ZNF385D: variants seen among roughly 807,000 people sequenced by gnomAD.
The protein encoded by ZNF385D is zinc finger protein 659.
ZNF385D carries 15 observed loss-of-function variants against 35.8 expected under a neutral mutation model. That is an observed-to-expected ratio of 0.42 (90% CI 0.28 to 0.64). ZNF385D has a LOEUF of 0.64. Ranked by LOEUF, ZNF385D falls within the 30% of genes least tolerant of loss-of-function variation. The probability of loss-of-function intolerance (pLI) is 0.23; values close to 1 mark genes in which losing one functional copy is unlikely to be tolerated. For missense variants in ZNF385D, 474 were observed against 494.6 expected, an observed-to-expected ratio of 0.96 and a Z score of 0.39; for synonymous variants, 212 against 186.8, an observed-to-expected ratio of 1.13 and a Z score of -1.10.
At chr3:21,837,835 G>A (rs986939135) in intron 3 of ZNF385D, among the ~76,000 whole-genome samples, 4 of 147,334 alleles carry the variant, frequency 2.7e-5, no homozygotes, top group South Asian at 2.1e-4. Flanking sequence ...TAGCACCACT[G>A]CATTCCAGCC....
At chr3:21,713,883 C>A (rs1288028241) in intron 1 of ZNF385D, among the ~76,000 whole-genome samples, 1 of 152,178 alleles carries the variant, frequency 6.6e-6, no homozygotes, top group African/African-American at 2.4e-5. Flanking sequence ...ATGTCACTCT[C>A]CTTTTACATC....
At chr3:21,902,403 T>A (rs979233971) in intron 3 of ZNF385D, among the ~76,000 whole-genome samples, 4 of 152,160 alleles carry the variant, frequency 2.6e-5, no homozygotes, top group African/African-American at 9.7e-5. Flanking sequence ...TAGAGATCGA[T>A]CCAGAGGGAT....
chr3:21,443,449 G>A (rs1701968236), intron 4 of ZNF385D: 1 of 503,854 alleles, frequency 2.0e-6, no homozygotes, highest in African/African-American at 2.1e-5. Flanking sequence ...CCATATACAG[G>A]ATGCTGTGTT....
intron 1 of ZNF385D, among the ~76,000 whole-genome samples, chr3:21,695,618 C>A (rs2067442678): frequency 6.6e-6 from 1 of 152,108 alleles, no homozygotes; most frequent in Non-Finnish European, 1.5e-5. Context: ...ATGATCCTTA[C>A]CATGCTCTAC....
At chr3:22,300,794 G>C (rs1702858293) in intron 2 of ZNF385D, among the ~76,000 whole-genome samples, 1 of 151,788 alleles carries the variant, frequency 6.6e-6, no homozygotes, top group Non-Finnish European at 1.5e-5. Flanking sequence ...GATAAAAGTT[G>C]GTAATAACAT....
At chr3:22,103,605 T>C (rs1343914802) in intron 3 of ZNF385D, among the ~76,000 whole-genome samples, 1 of 152,118 alleles carries the variant, frequency 6.6e-6, no homozygotes, top group Non-Finnish European at 1.5e-5. Flanking sequence ...TTATGAATCA[T>C]CTGAGTGACC....
At chr3:22,148,610 T>C (rs1559408174) in intron 3 of ZNF385D, among the ~76,000 whole-genome samples, 1 of 152,088 alleles carries the variant, frequency 6.6e-6, no homozygotes, top group Non-Finnish European at 1.5e-5. Flanking sequence ...TCTTGAAAAA[T>C]AGCGTGACAA....
At chr3:21,779,292 C>T (rs2071404800) in intron 3 of ZNF385D, among the ~76,000 whole-genome samples, 1 of 151,946 alleles carries the variant, frequency 6.6e-6, no homozygotes, top group South Asian at 2.1e-4. Flanking sequence ...TGACTTCTAA[C>T]TCAGTGATCA....
intron 4 of ZNF385D, among the ~76,000 whole-genome samples, chr3:21,509,904 A>G (rs1707074706): frequency 6.6e-6 from 1 of 152,198 alleles, no homozygotes; most frequent in Admixed American, 6.5e-5. Flanking sequence ...TGTAATAAGG[A>G]TGTTACATTG....
chr3:22,121,328 A>C (rs530162992), intron 3 of ZNF385D, among the ~76,000 whole-genome samples: 1 of 152,174 alleles, frequency 6.6e-6, no homozygotes, highest in Non-Finnish European at 1.5e-5. Flanking sequence ...ATTTCCTATC[A>C]CACAGGACCT....
chr3:21,495,641 T>C (rs1366843289), intron 4 of ZNF385D, among the ~76,000 whole-genome samples: 2 of 151,460 alleles, frequency 1.3e-5, no homozygotes, highest in African/African-American at 2.4e-5. Flanking sequence ...TTAGAGAAAC[T>C]GGAGAAACAA....
At chr3:21,814,889 A>C (rs1398018413) in intron 3 of ZNF385D, among the ~76,000 whole-genome samples, 1 of 152,232 alleles carries the variant, frequency 6.6e-6, no homozygotes, top group Non-Finnish European at 1.5e-5. Flanking sequence ...CATTCTTCTC[A>C]GCACTACATC....
chr3:21,429,065 A>T (rs1038732263), intron 5 of ZNF385D, among the ~76,000 whole-genome samples: 1 of 151,500 alleles, frequency 6.6e-6, no homozygotes, highest in African/African-American at 2.4e-5. Context: ...CATTCTTACA[A>T]TTCCTCTTTT....
intron 3 of ZNF385D, among the ~76,000 whole-genome samples, chr3:22,162,426 A>G (rs1472479569): frequency 6.6e-6 from 1 of 151,284 alleles, no homozygotes; most frequent in African/African-American, 2.5e-5. Flanking sequence ...CTTACCCAAA[A>G]CTAAGATTAA....
intron 2 of ZNF385D, among the ~76,000 whole-genome samples, chr3:22,229,527 G>T (rs1390077867): frequency 6.6e-6 from 1 of 152,140 alleles, no homozygotes. Context: ...CTTTATGATT[G>T]TGGGTTATAG....
chr3:22,129,103 T>G (rs1033517976), intron 3 of ZNF385D, among the ~76,000 whole-genome samples: 3 of 152,296 alleles, frequency 2.0e-5, no homozygotes, highest in East Asian at 1.9e-4. Flanking sequence ...ACCACCTTGG[T>G]GGTCTTGGGT....
At chr3:21,480,609 TAA>T (rs1343745688) in intron 4 of ZNF385D, among the ~76,000 whole-genome samples, 1 of 152,034 alleles carries the variant, frequency 6.6e-6, no homozygotes, top group Non-Finnish European at 1.5e-5. Context: ...GATCGGAAGA[TAA>T]AGAGTGATCT....
chr3:22,297,487 A>G (rs1320964992), intron 2 of ZNF385D, among the ~76,000 whole-genome samples: 1 of 152,076 alleles, frequency 6.6e-6, no homozygotes, highest in Non-Finnish European at 1.5e-5. Context: ...TGAGCGGCAA[A>G]CTTTTTACCT....
chr3:22,003,360 A>T (rs1695980213), intron 3 of ZNF385D, among the ~76,000 whole-genome samples: 1 of 152,178 alleles, frequency 6.6e-6, no homozygotes, highest in South Asian at 2.1e-4. Flanking sequence ...CTGTGAATAA[A>T]TTTAATCAGG....
Sources: allele counts gnomAD v4.1 joint callset (sites outside exome capture counted in the v4.1 genomes callset), GRCh38; gene constraint gnomAD v4.1.1; transcripts MANE v1.5; gene names NCBI Gene and HGNC (gene_info 2026-07-23, HGNC 2026-07-21).